The following FBXO28 variants were observed in gnomAD, a reference collection of about 807,000 sequenced individuals.
The protein encoded by FBXO28 is F-box protein 28.
In FBXO28, 8 loss-of-function variants were observed where a neutral mutation model predicts 38.1. That is an observed-to-expected ratio of 0.21 (90% confidence interval 0.12 to 0.38). The LOEUF (loss-of-function observed/expected upper bound fraction) is 0.38. Ranked by LOEUF, FBXO28 falls within the 10% of genes least tolerant of loss-of-function variation. The pLI is 1.00. For missense variants in FBXO28, 345 were observed against 460.6 expected (o/e 0.75, Z 2.30); for synonymous variants, 168 against 173.8 (o/e 0.97, Z 0.26).
chr1:224,140,761 A>G (rs971616404), intron 3 of FBXO28, among the ~76,000 whole-genome samples: 2 of 151,968 alleles, frequency 1.3e-5, no homozygotes, highest in South Asian at 2.1e-4. Flanking sequence ...CCTAGCCAAC[A>G]TGGTGAAACC....
chr1:224,144,756 C>G (rs1351729826), intron 3 of FBXO28, among the ~76,000 whole-genome samples: 1 of 151,896 alleles, frequency 6.6e-6, no homozygotes, highest in Non-Finnish European at 1.5e-5. Context: ...AAGACTCCAT[C>G]TCAAAAAACA....
At chr1:224,127,523 G>C (rs1292936350) in intron 1 of FBXO28, among the ~76,000 whole-genome samples, 1 of 152,170 alleles carries the variant, frequency 6.6e-6, no homozygotes, top group Non-Finnish European at 1.5e-5. Flanking sequence ...ATATTGATAT[G>C]TATTGTGTTT....
chr1:224,130,341 C>CA lies in FBXO28; in HGVS notation c.268-122dup, dbSNP rs201751201. On this transcript the variant is annotated intron_variant, in intron 1 of 4. Coordinates refer to ENST00000366862, the MANE Select transcript of FBXO28 (RefSeq NM_015176.4). ...TGGGCGACAGAGTGAGACTTCGTCT[C>CA]AAAAAAAAAGATATATACAGCAAAC... 1,116 of 592,204 alleles carry CA rather than the reference C, an allele frequency of 1.9e-3. 2 individuals are homozygous for CA. Among genetic ancestry groups the CA allele is most frequent in the African/African-American group, 9.9e-3 (516 of 52,370 alleles). 36.7% of individuals were successfully genotyped at this position (592,204 alleles called of 1,614,324 possible). A position where few individuals can be genotyped will look rare whatever the true frequency, so the allele number is the denominator to read the frequency against.
chr1:224,137,529 A>T (rs1460689857), intron 3 of FBXO28, among the ~76,000 whole-genome samples: 1 of 151,842 alleles, frequency 6.6e-6, no homozygotes, highest in Non-Finnish European at 1.5e-5. Flanking sequence ...CTCAGCAAAA[A>T]AAAAGAAAAA....
intron 3 of FBXO28, among the ~76,000 whole-genome samples, chr1:224,138,695 A>C (rs1315355824): frequency 2.4e-4 from 1 of 4,234 alleles, no homozygotes; most frequent in African/African-American, 2.8e-4. Flanking sequence ...ATAATGAAAA[A>C]ACAAAACATG....
chr1:224,129,751 A>T (rs1656992312), intron 1 of FBXO28, among the ~76,000 whole-genome samples: 1 of 152,130 alleles, frequency 6.6e-6, no homozygotes. Context: ...GCACTTTGGG[A>T]GGCCGAGGCA....
chr1:224,115,123 C>T (rs1656616104), intron 1 of FBXO28, among the ~76,000 whole-genome samples: 1 of 152,080 alleles, frequency 6.6e-6, no homozygotes, highest in Non-Finnish European at 1.5e-5. Context: ...GATTTACGCC[C>T]ACCCACCTGC....
chr1:224,131,410 C>T (rs957947924), intron 2 of FBXO28, among the ~76,000 whole-genome samples: 1 of 152,092 alleles, frequency 6.6e-6, no homozygotes, highest in African/African-American at 2.4e-5. Context: ...TCACACTTCC[C>T]ACTTTCAAAA....
chr1:224,154,537 G>A (rs900946509), intron 4 of FBXO28, among the ~76,000 whole-genome samples: 3 of 152,076 alleles, frequency 2.0e-5, no homozygotes, highest in East Asian at 1.9e-4. Flanking sequence ...GGCCGGGCGC[G>A]GTGGCTCATG....
chr1:224,129,555 T>C (rs1175417230), intron 1 of FBXO28, among the ~76,000 whole-genome samples: 1 of 152,230 alleles, frequency 6.6e-6, no homozygotes, highest in African/African-American at 2.4e-5. Flanking sequence ...CCTTTAAATG[T>C]ATTGTTTTAC....
In FBXO28 at chr1:224,159,710, T is replaced by C. The variant is rs1317556660; in HGVS notation, c.*1964T>C. The C allele has an allele frequency of 1.3e-5, 2 of 149,510 alleles. No homozygotes were observed. Among genetic ancestry groups the C allele is most frequent in the Non-Finnish European group, 3.0e-5 (2 of 67,176 alleles). 9.3% of individuals were successfully genotyped at this position (149,510 alleles called of 1,614,324 possible). ...TCTGCTTTTCCGGTCATAGGAAGAC[T>C]TTTTTTTTTACGTATCAAAGCATGT... On this transcript the variant is annotated 3_prime_UTR_variant, in exon 5 of 5. Transcript: ENST00000366862.
In FBXO28 at chr1:224,158,347, A is replaced by G; in HGVS notation, c.*601A>G. ...TATTTTTATAAACTACTGGCAAGGA[A>G]CTTACCCAGCTGTTATACATGTTTT... On this transcript the variant is annotated 3_prime_UTR_variant, in exon 5 of 5. Coordinates refer to ENST00000366862, the MANE Select transcript of FBXO28 (RefSeq NM_015176.4). 2.2e-6 allele frequency: 1 copy of G among 457,438 alleles called. No individual in the cohort carries two copies. The highest frequency in any genetic ancestry group is 2.9e-6 in the Non-Finnish European group (1 of 347,182). 28.3% of individuals were successfully genotyped at this position (457,438 alleles called of 1,614,324 possible). A position where few individuals can be genotyped will look rare whatever the true frequency, so the allele number is the denominator to read the frequency against.
At chr1:224,141,972 G>A (rs1008014188) in intron 3 of FBXO28, among the ~76,000 whole-genome samples, 3 of 150,804 alleles carry the variant, frequency 2.0e-5, no homozygotes, top group African/African-American at 4.9e-5. Flanking sequence ...CATTGTAGTC[G>A]TGACCTCCTA....
Position 224,130,492 on chromosome 1 carries a change from G to T in FBXO28, c.288G>T (p.Leu96Phe). ...QLRLVCKRMD[L>F]VCQRMLNQGF... The stretch of plus-strand genomic sequence containing the variant: ...TGAAGGTTTGTAAAAGAATGGACTT[G>T]GTCTGCCAGAGAATGTTGAATCAGG... The change falls in exon 2 of 5, where the codon TTG becomes TTT. Residue 96 changes from leucine (L) to phenylalanine (F), a missense_variant. Physicochemically the swap from Leu to Phe is conservative, Grantham distance 22 (BLOSUM62 0). Around this residue, in one of 6 missense-constraint regions of FBXO28, gnomAD observed 56 missense variants for 99.8 expected, o/e 0.56. Coordinates refer to ENST00000366862, the MANE Select transcript of FBXO28 (RefSeq NM_015176.4). 2.5e-6 allele frequency: 4 copies of T among 1,613,364 alleles called. No homozygotes were observed. The highest frequency in any genetic ancestry group is 3.4e-6 in the Non-Finnish European group (4 of 1,179,448).
At chr1:224,121,845 G>A (rs1313020361) in intron 1 of FBXO28, among the ~76,000 whole-genome samples, 6 of 151,996 alleles carry the variant, frequency 3.9e-5, no homozygotes, top group African/African-American at 1.4e-4. Context: ...GCACGATCTC[G>A]GCCCATTGCC....
intron 1 of FBXO28, 97 bp downstream of exon 1, chr1:224,114,493 GC>G: frequency 9.4e-7 from 1 of 1,065,458 alleles, no homozygotes; most frequent in Non-Finnish European, 1.3e-6. Flanking sequence ...CCCCCCGCGA[GC>G]CCCAGCCGGC....
At chr1:224,143,086 G>A (rs1174328877) in intron 3 of FBXO28, among the ~76,000 whole-genome samples, 1 of 151,868 alleles carries the variant, frequency 6.6e-6, no homozygotes. Flanking sequence ...GGTGGTGCGG[G>A]CCTGTAGTCC....
At chr1:224,146,647 G>A (rs1393294858) in intron 3 of FBXO28, among the ~76,000 whole-genome samples, 1 of 151,158 alleles carries the variant, frequency 6.6e-6, no homozygotes, top group Non-Finnish European at 1.5e-5. Context: ...AAAGTGCTGA[G>A]ATTACAGGCA....
At chr1:224,125,751 C>G (rs559685568) in intron 1 of FBXO28, among the ~76,000 whole-genome samples, 2 of 151,580 alleles carry the variant, frequency 1.3e-5, no homozygotes, top group African/African-American at 2.4e-5. Context: ...AAGCGATTCT[C>G]CTGCTTTAGG....
Sources: gnomAD v4.1 joint callset for allele counts (sites outside exome capture counted in the v4.1 genomes callset) on GRCh38, gnomAD v4.1.1 for gene constraint, gnomAD v4.1.1 regional missense constraint, MANE v1.5 for transcripts, NCBI Gene and HGNC (gene_info 2026-07-23, HGNC 2026-07-21) for gene names.